Variants in TRIM54 observed in about 807,000 individuals in gnomAD.
TRIM54 encodes tripartite motif containing 54.
A neutral mutation model predicts 42.0 loss-of-function variants in TRIM54; 40 were observed. The observed-to-expected ratio is 0.95, with a 90% confidence interval of 0.74 to 1.24. The LOEUF (loss-of-function observed/expected upper bound fraction) is 1.24, where lower values mean the gene tolerates loss of function less well. Ranked by LOEUF, TRIM54 falls within the 50% of genes most tolerant of loss-of-function variation. The pLI is 0.00. For missense variants in TRIM54, 485 were observed against 480.3 expected (o/e 1.01, Z -0.09); for synonymous variants, 199 against 194.9 (o/e 1.02, Z -0.17).
In TRIM54 at chr2:27,299,678, A is replaced by ATCTG. The variant is rs749821120; in HGVS notation, c.513+265_513+266insGTCT. ...GATGTGAGCCACCGCACTCAGCCCT[A>ATCTG]TCTATCTATCTATCTATCTATCTAT... On this transcript the variant is annotated intron_variant, in intron 3 of 8. Transcript: ENST00000380075. 2.0e-4 allele frequency: 110 copies of ATCTG among 563,008 alleles called. 1 individual carries two copies. The Middle Eastern group carries it at 2.7e-3, about 14-fold the overall frequency. The allele number at this position is 563,008 out of a possible 1,614,324, so 34.9% of individuals were successfully genotyped here.
At chr2:27,301,200 C>T (rs907846422) in intron 3 of TRIM54, among the ~76,000 whole-genome samples, 12 of 145,508 alleles carry the variant, frequency 8.2e-5, no homozygotes, top group Non-Finnish European at 1.3e-4. Context: ...AATGCAATGG[C>T]GCGATCTCAG....
rs1175867245 is a variant in TRIM54 at position 27,304,958 on chromosome 2, G to T, written c.514-1G>T. On this transcript the variant is annotated splice_acceptor_variant, in intron 3 of 8. Transcript: ENST00000380075. LOFTEE classifies it high-confidence loss of function. ...TGAGTGCTGACCTGTGTGTGTATCA[G>T]AGTGAGCTCAGCGATGGCATCGCGA... The T allele has an allele frequency of 1.9e-6, 3 of 1,613,858 alleles. No homozygotes were observed. The highest frequency in any genetic ancestry group is 1.7e-6 in the Non-Finnish European group (2 of 1,179,846).
At chr2:27,301,280 C>T (rs1347310824) in intron 3 of TRIM54, among the ~76,000 whole-genome samples, 6 of 152,018 alleles carry the variant, frequency 3.9e-5, no homozygotes, top group Non-Finnish European at 8.8e-5. Context: ...TCTGGGATTA[C>T]AGGCATCCGC....
In TRIM54 at chr2:27,307,008, G is replaced by A. The variant is rs760946905; in HGVS notation, c.*123G>A. ...GAGGATCTCAATAAAGAACTCGAGCGTCCCAGACCCGTATCTCCTTTCGCT... is the reference window on the plus strand; with the variant it reads ...GAGGATCTCAATAAAGAACTCGAGCATCCCAGACCCGTATCTCCTTTCGCT... On this transcript the variant is annotated 3_prime_UTR_variant, in exon 9 of 9. Transcript: ENST00000380075. This position sits in a 1 kb window ranked among gnomAD's most constrained non-coding sequence, Gnocchi z 6.9. The A allele has an allele frequency of 2.9e-4, 65 of 227,872 alleles. No homozygotes were observed. The highest frequency in any genetic ancestry group is 4.5e-4 in the Non-Finnish European group (52 of 115,480). The allele number at this position is 227,872 out of a possible 1,614,324, so 14.1% of individuals were successfully genotyped here.
intron 5 of TRIM54, 60 bp downstream of exon 5, chr2:27,305,877 T>TG: frequency 4.1e-6 from 6 of 1,447,504 alleles, no homozygotes; most frequent in Non-Finnish European, 5.7e-6. Context: ...CCTTGGTACC[T>TG]GGAGTCCCGG....
Position 27,306,003 on chromosome 2 carries a change from C to A in TRIM54, c.844-77C>A. 6.3e-7 allele frequency: 1 copy of A among 1,587,086 alleles called. No individual in the cohort carries two copies. The highest frequency in any genetic ancestry group is 8.6e-7 in the Non-Finnish European group (1 of 1,161,598). ...GTGCCTTCCCACCTACCCCGCAGGACTGTGGTGAGATTCAGAAATGGGACT... is the reference window on the plus strand; with the variant it reads ...GTGCCTTCCCACCTACCCCGCAGGAATGTGGTGAGATTCAGAAATGGGACT... On this transcript the variant is annotated intron_variant, in intron 5 of 8. Transcript: ENST00000380075. The surrounding 1 kb of genome is among the most constrained non-coding windows in gnomAD (Gnocchi z 6.1).
At chr2:27,284,110 G>A (rs1483196595) in intron 1 of TRIM54, among the ~76,000 whole-genome samples, 1 of 152,120 alleles carries the variant, frequency 6.6e-6, no homozygotes, top group African/African-American at 2.4e-5. Context: ...TCTGACCTGG[G>A]CGACAGAGCA....
At chr2:27,302,518 G>A (rs1457596688) in intron 3 of TRIM54, among the ~76,000 whole-genome samples, 1 of 152,006 alleles carries the variant, frequency 6.6e-6, no homozygotes, top group Non-Finnish European at 1.5e-5. Context: ...TAAGCCAGGC[G>A]TGGTGGCTCA....
In TRIM54 at chr2:27,296,914, G is replaced by A. The variant is rs576729117; in HGVS notation, c.169-1653G>A. On this transcript the variant is annotated intron_variant, in intron 1 of 8. Coordinates refer to ENST00000380075, the MANE Select transcript of TRIM54 (RefSeq NM_187841.3). ...GCTGGGACTACAGGTGTGCACCACCGTGCCCAGCTAATTTTTTTATTTTTA... is the reference window on the plus strand; with the variant it reads ...GCTGGGACTACAGGTGTGCACCACCATGCCCAGCTAATTTTTTTATTTTTA... Among the ~76,000 whole-genome samples the A allele has an allele frequency of 3.9e-5, 6 of 152,040 alleles. No individual in the cohort carries two copies. In the East Asian group the frequency reaches 9.7e-4, roughly 25 times the overall value.
chr2:27,297,296 C>T (rs1678891719), intron 1 of TRIM54, among the ~76,000 whole-genome samples: 1 of 152,222 alleles, frequency 6.6e-6, no homozygotes, highest in African/African-American at 2.4e-5. Flanking sequence ...AATTCCTAAG[C>T]AGAACATGGC....
At chr2:27,304,429 T>TA (rs1016622775) in intron 3 of TRIM54, among the ~76,000 whole-genome samples, 3 of 1,482 alleles carry the variant, frequency 2.0e-3, no homozygotes, top group Admixed American at 6.9e-3. Flanking sequence ...AAAAAAAATT[T>TA]AAAAAAAAAT....
chr2:27,287,825 G>A (rs746828022), intron 1 of TRIM54, among the ~76,000 whole-genome samples: 5 of 152,198 alleles, frequency 3.3e-5, no homozygotes, highest in Admixed American at 6.5e-5. Context: ...CACTGCACCT[G>A]GCCTTAAACT....
chr2:27,284,704 G>T (rs545525265), intron 1 of TRIM54, among the ~76,000 whole-genome samples: 106 of 152,170 alleles, frequency 7.0e-4, no homozygotes, highest in African/African-American at 2.4e-3. Flanking sequence ...GAAAGATTTT[G>T]CCATCCTTTC....
At chr2:27,285,066 T>G (rs1678519128) in intron 1 of TRIM54, among the ~76,000 whole-genome samples, 1 of 152,180 alleles carries the variant, frequency 6.6e-6, no homozygotes, top group Non-Finnish European at 1.5e-5. Context: ...GGTGGCTCTG[T>G]GGATCTGGAG....
Position 27,307,279 on chromosome 2 carries a change from G to A in TRIM54, c.*394G>A. On this transcript the variant is annotated 3_prime_UTR_variant, in exon 9 of 9. Coordinates refer to ENST00000380075, the MANE Select transcript of TRIM54 (RefSeq NM_187841.3). This position sits in a 1 kb window ranked among gnomAD's most constrained non-coding sequence, Gnocchi z 6.9. Reference sequence around the variant, plus strand: ...CCACATGCACCTGGCTGACCTGGCTGAAAGCCGCTGTCTCGGAGCCCCCCA... The same window carrying A: ...CCACATGCACCTGGCTGACCTGGCTAAAAGCCGCTGTCTCGGAGCCCCCCA... 1 of 643,544 alleles carries A rather than the reference G, an allele frequency of 1.6e-6. No homozygotes were observed. The highest frequency in any genetic ancestry group is 2.6e-6 in the Non-Finnish European group (1 of 388,914). 39.9% of individuals were successfully genotyped at this position (643,544 alleles called of 1,614,324 possible).
intron 3 of TRIM54, among the ~76,000 whole-genome samples, chr2:27,301,618 G>T (rs567549530): frequency 2.0e-5 from 3 of 152,154 alleles, no homozygotes; most frequent in African/African-American, 7.2e-5. Context: ...TCTCATTGGC[G>T]TCTTGGTTTT....
Position 27,306,286 on chromosome 2 carries a change from G to C in TRIM54, c.940G>C (p.Val314Leu), listed in dbSNP as rs142922734. The C allele has an allele frequency of 2.1e-4, 339 of 1,614,038 alleles. 1 individual carries two copies. The highest frequency in any genetic ancestry group is 9.7e-4 in the African/African-American group (73 of 74,936). ...CTATGAGAGCATGGAGCAATTCACC[G>C]TAAGGGTGGAGCACGTGGCCGAAAT... ...PGYESMEQFT[V>L]RVEHVAEMLR... is the part of the protein sequence containing the mutation. The change falls in exon 7 of 9, where the codon GTA (valine) becomes CTA (leucine). Residue 314 changes from valine (V) to leucine (L), a missense_variant. Coordinates refer to ENST00000380075, the MANE Select transcript of TRIM54 (RefSeq NM_187841.3). This position sits in a 1 kb window ranked among gnomAD's most constrained non-coding sequence, Gnocchi z 6.1.
At chr2:27,283,940 T>C (rs1448032881) in intron 1 of TRIM54, among the ~76,000 whole-genome samples, 8 of 152,066 alleles carry the variant, frequency 5.3e-5, no homozygotes, top group Admixed American at 5.2e-4. Flanking sequence ...CAAGACCAGC[T>C]TGGCCAATAT....
intron 1 of TRIM54, among the ~76,000 whole-genome samples, chr2:27,288,823 A>G (rs1313827079): frequency 6.6e-6 from 1 of 152,234 alleles, no homozygotes; most frequent in Non-Finnish European, 1.5e-5. Context: ...TCCTAGAGTG[A>G]TGGAATTTCC....
Sources: allele counts gnomAD v4.1 joint callset (sites outside exome capture counted in the v4.1 genomes callset), GRCh38; gene constraint gnomAD v4.1.1; non-coding constraint Gnocchi (gnomAD v3.1); transcripts MANE v1.5; gene names NCBI Gene and HGNC (gene_info 2026-07-23, HGNC 2026-07-21).